The following DENND2B variants were observed in gnomAD, a reference collection of about 807,000 sequenced individuals.
DENND2B encodes the protein DENN domain containing 2B.
DENND2B carries 32 observed loss-of-function variants against 116.0 expected under a neutral mutation model. The observed-to-expected ratio is 0.28, with a 90% CI of 0.21 to 0.37. DENND2B has a LOEUF of 0.37. Among genes scored for constraint, DENND2B ranks in the 10% least tolerant of loss-of-function variants. The pLI is 1.00. For synonymous variants in DENND2B, 588 were observed against 583.9 expected (o/e 1.01, Z -0.10); for missense variants, 1,276 against 1,477.7 (o/e 0.86, Z 2.24).
chr11:8,821,589 A>G (rs2061770184), intron 4 of DENND2B, among the ~76,000 whole-genome samples: 1 of 145,954 alleles, frequency 6.9e-6, no homozygotes, highest in Admixed American at 6.9e-5. Flanking sequence ...AAAAAAAAAA[A>G]GAACTAACTT....
chr11:8,699,175 T>C (rs1335092082), intron 15 of DENND2B, 38 bp downstream of exon 15: 1 of 1,511,028 alleles, frequency 6.6e-7, no homozygotes, highest in Non-Finnish European at 8.9e-7. Context: ...TGCTTCCCCC[T>C]CCACCCTTCC....
chr11:8,758,473 G>A (rs1017837074), intron 1 of DENND2B, among the ~76,000 whole-genome samples: 1 of 152,120 alleles, frequency 6.6e-6, no homozygotes, highest in African/African-American at 2.4e-5. Flanking sequence ...CCCTTTGCTT[G>A]CTTTCTCCTC....
At chr11:8,747,889 G>A (rs2051568796) in intron 2 of DENND2B, among the ~76,000 whole-genome samples, 1 of 152,166 alleles carries the variant, frequency 6.6e-6, no homozygotes, top group African/African-American at 2.4e-5. Flanking sequence ...CTAGGGACTG[G>A]AATCCAGGGT....
chr11:8,889,221 C>CA (rs1356349546), intron 1 of DENND2B, among the ~76,000 whole-genome samples: 2 of 152,182 alleles, frequency 1.3e-5, no homozygotes, highest in African/African-American at 4.8e-5. Flanking sequence ...GTGGTATGTG[C>CA]ATACAACAGA....
intron 1 of DENND2B, among the ~76,000 whole-genome samples, chr11:8,763,435 G>A (rs2055040762): frequency 6.6e-6 from 1 of 152,066 alleles, no homozygotes; most frequent in South Asian, 2.1e-4. Flanking sequence ...AGACAAGTAT[G>A]AGAATGTGCA....
chr11:8,845,040 G>C (rs1357392869), intron 3 of DENND2B, among the ~76,000 whole-genome samples: 1 of 151,860 alleles, frequency 6.6e-6, no homozygotes, highest in Non-Finnish European at 1.5e-5. Context: ...CCACATCCAG[G>C]CTATAACTTG....
intron 11 of DENND2B, among the ~76,000 whole-genome samples, chr11:8,710,521 A>G (rs2043414436): frequency 6.6e-6 from 1 of 152,032 alleles, no homozygotes; most frequent in South Asian, 2.1e-4. Flanking sequence ...ATCAGAGCCC[A>G]TGATCCCAAG....
At chr11:8,729,070 G>A (rs2047627734) in intron 3 of DENND2B, among the ~76,000 whole-genome samples, 1 of 152,150 alleles carries the variant, frequency 6.6e-6, no homozygotes, top group Non-Finnish European at 1.5e-5. Flanking sequence ...GTTTATATAT[G>A]AGATGGGATA....
chr11:8,759,666 G>A (rs1489974025), intron 1 of DENND2B, among the ~76,000 whole-genome samples: 2 of 152,222 alleles, frequency 1.3e-5, no homozygotes, highest in Non-Finnish European at 2.9e-5. Context: ...GCAATACAGT[G>A]ACAGTATAGT....
intron 1 of DENND2B, chr11:8,766,563 G>C (rs1418728416): frequency 6.6e-6 from 8 of 1,221,358 alleles, no homozygotes; most frequent in African/African-American, 1.5e-5. Flanking sequence ...GAACCAAGGA[G>C]AGGGCTTCCA....
rs368369935 is a variant in DENND2B at position 8,774,303 on chromosome 11, C to T, written c.-25-23578G>A. On this transcript the variant is annotated intron_variant, in intron 1 of 19. Transcript: ENST00000313726. ...CTTTAATCCCAAAGCACAGTAATCA[C>T]CTGAAAGGCTGAAGGCTGCCTTATA... 2.4e-5 allele frequency: 24 copies of T among 985,422 alleles called. No individual in the cohort carries two copies. In the African/African-American group the frequency reaches 4.0e-4, roughly 16 times the overall value. The allele number at this position is 985,422 out of a possible 1,614,324, so 61.0% of individuals were successfully genotyped here. A position where few individuals can be genotyped will look rare whatever the true frequency, so the allele number is the denominator to read the frequency against.
chr11:8,781,964 A>T (rs868736443), intron 1 of DENND2B, among the ~76,000 whole-genome samples: 3 of 152,332 alleles, frequency 2.0e-5, no homozygotes, highest in Middle Eastern at 3.4e-3. Context: ...ATGAACACTT[A>T]TATACATTGG....
intron 16 of DENND2B, 55 bp downstream of exon 16, chr11:8,698,878 T>C: frequency 6.3e-7 from 1 of 1,597,870 alleles, no homozygotes; most frequent in Non-Finnish European, 8.6e-7. Flanking sequence ...GAGTAGTGTG[T>C]GTGATGGTGC....
intron 1 of DENND2B, among the ~76,000 whole-genome samples, chr11:8,795,366 C>T (rs2059726639): frequency 6.6e-6 from 1 of 152,150 alleles, no homozygotes; most frequent in Non-Finnish European, 1.5e-5. Flanking sequence ...AGCTGCCAAG[C>T]CTCTTAAGCA....
intron 3 of DENND2B, among the ~76,000 whole-genome samples, chr11:8,857,106 C>T (rs1215613987): frequency 6.6e-6 from 1 of 152,124 alleles, no homozygotes; most frequent in Non-Finnish European, 1.5e-5. Context: ...CCTGTCCTAA[C>T]CTGGCCCAGG....
At chr11:8,906,474 C>T (rs187374928) in intron 1 of DENND2B, among the ~76,000 whole-genome samples, 41 of 136,108 alleles carry the variant, frequency 3.0e-4, no homozygotes, top group African/African-American at 1.0e-3. Flanking sequence ...GCTGGGATTA[C>T]AGGTGTGAGC....
upstream of DENND2B, among the ~76,000 whole-genome samples, chr11:8,814,961 T>C (rs570761283): frequency 8.5e-5 from 13 of 152,302 alleles, no homozygotes; most frequent in African/African-American, 3.1e-4. Flanking sequence ...CAACCAAAAA[T>C]TCCTGTAAAG....
chr11:8,710,979 T>C (rs1230759904), intron 10 of DENND2B, 65 bp from the exon 11 acceptor site: 2 of 1,594,262 alleles, frequency 1.3e-6, no homozygotes, highest in Non-Finnish European at 1.7e-6. Context: ...CCCCCAAGAA[T>C]AGGGACCGTC....
intron 2 of DENND2B, among the ~76,000 whole-genome samples, chr11:8,867,573 CTTTTTTTTTTTT>C (rs33990941): frequency 1.1e-5 from 1 of 89,230 alleles, no homozygotes; most frequent in Non-Finnish European, 2.0e-5. Context: ...TAAAATTCAG[CTTTTTTTTTTTT>C]TTTTTTTTTT....
Sources: gnomAD v4.1 joint callset for allele counts (sites outside exome capture counted in the v4.1 genomes callset) on GRCh38, gnomAD v4.1.1 for gene constraint, MANE v1.5 for transcripts, NCBI Gene and HGNC (gene_info 2026-07-23, HGNC 2026-07-21) for gene names.